Variants in ALG13 observed in about 807,000 individuals in gnomAD.
ALG13 encodes the protein UDP-N-acetylglucosamine transferase subunit ALG13.
In ALG13, 11 loss-of-function variants were observed where a neutral mutation model predicts 87.8. That is an observed-to-expected ratio of 0.13 (90% CI 0.08 to 0.21). The LOEUF (loss-of-function observed/expected upper bound fraction) is 0.21, where lower values mean the gene tolerates loss of function less well. Among genes scored for constraint, ALG13 ranks in the 10% least tolerant of loss-of-function variants. The pLI is 1.00. For synonymous variants in ALG13, 320 were observed against 306.3 expected, an observed-to-expected ratio of 1.04 and a Z score of -0.47; for missense variants, 756 against 866.1, an observed-to-expected ratio of 0.87 and a Z score of 1.60.
Position 111,695,446 on chromosome X carries a change from C to T in ALG13, c.383+10343C>T, listed in dbSNP as rs1305896181. On this transcript the variant is annotated intron_variant, in intron 3 of 26. Coordinates refer to ENST00000394780, the MANE Select transcript of ALG13 (RefSeq NM_001099922.3). ...GCTGAGGCAGGATAATTGCTTGAAC[C>T]TGGGAGGCAGAGGTTGCAGTGAGCC... Among the ~76,000 whole-genome samples, 3 of 108,984 alleles carry T rather than the reference C, an allele frequency of 2.8e-5. No individual in the cohort carries two copies. In the Admixed American group the frequency reaches 2.9e-4, roughly 11 times the overall value. The allele number at this position is 108,984 out of a possible 115,157, so 94.6% of individuals were successfully genotyped here. A position where few individuals can be genotyped will look rare whatever the true frequency, so the allele number is the denominator to read the frequency against.
chrX:111,730,374 T>C (rs1234180198), intron 19 of ALG13, 21 bp from the exon 20 acceptor site: 2 of 1,204,747 alleles, frequency 1.7e-6, no homozygotes, highest in African/African-American at 3.5e-5. Flanking sequence ...ACATTTCTTC[T>C]GTCTTGTCTT....
intron 24 of ALG13, among the ~76,000 whole-genome samples, chrX:111,746,136 C>G (rs958563565): frequency 1.4e-4 from 16 of 111,712 alleles, no homozygotes; most frequent in Admixed American, 7.7e-4. Context: ...CCCATAAAAA[C>G]TTCAGGATAC....
chrX:111,694,023 TTATTTTTATTTC>T (rs1230474954), intron 3 of ALG13, among the ~76,000 whole-genome samples: 1 of 110,747 alleles, frequency 9.0e-6, no homozygotes, highest in African/African-American at 3.3e-5. Context: ...TTCCCAGTTT[TTATTTTTATTTC>T]TATTTTTATT....
At chrX:111,747,341 G>A (rs1944332470) in intron 24 of ALG13, among the ~76,000 whole-genome samples, 1 of 111,987 alleles carries the variant, frequency 8.9e-6, no homozygotes, top group South Asian at 3.7e-4. Context: ...TTTCAGAATG[G>A]CTCTTAGCAA....
chrX:111,726,237 T>TG (rs1942011040), intron 15 of ALG13, among the ~76,000 whole-genome samples: 1 of 96,503 alleles, frequency 1.0e-5, no homozygotes, highest in African/African-American at 3.9e-5. Flanking sequence ...GTTTTGTTTT[T>TG]TTTTTTTTTT....
intron 23 of ALG13, among the ~76,000 whole-genome samples, chrX:111,739,522 A>C (rs181493690): frequency 4.4e-5 from 5 of 112,854 alleles, no homozygotes; most frequent in Non-Finnish European, 9.4e-5. Flanking sequence ...AAAAGTCCTA[A>C]GTATCTAAGA....
At chrX:111,714,320 T>C (rs749973786) in intron 8 of ALG13, 2 of 110,215 alleles carry the variant, frequency 1.8e-5, no homozygotes. Context: ...ATAAAAAAAA[T>C]TGTGCTAAAA....
At chrX:111,758,720 C>T (rs1945482254) in intron 26 of ALG13, among the ~76,000 whole-genome samples, 1 of 112,110 alleles carries the variant, frequency 8.9e-6, no homozygotes, top group Non-Finnish European at 1.9e-5. Flanking sequence ...ATCCACATTG[C>T]TAGTGACCTT....
Position 111,722,875 on chromosome X carries a change from G to A in ALG13, c.1500+18G>A, listed in dbSNP as rs1326550378. On this transcript the variant is annotated intron_variant, in intron 13 of 26. Coordinates refer to ENST00000394780, the MANE Select transcript of ALG13 (RefSeq NM_001099922.3). ...AGTGTCAGGTTAGTTCCTTCTTCAA[G>A]AATCAGTAATTTTTTTAAGAATGTG... is the stretch of plus-strand genomic sequence containing the variant. 1 of 1,140,174 alleles carries A rather than the reference G, an allele frequency of 8.8e-7. No homozygotes were observed. The highest frequency in any genetic ancestry group is 1.9e-5 in the South Asian group (1 of 52,428). The allele number at this position is 1,140,174 out of a possible 1,213,427, so 94.0% of individuals were successfully genotyped here. A position where few individuals can be genotyped will look rare whatever the true frequency, so the allele number is the denominator to read the frequency against.
chrX:111,756,150 C>T (rs1945231075), intron 25 of ALG13, among the ~76,000 whole-genome samples: 1 of 111,859 alleles, frequency 8.9e-6, no homozygotes, highest in African/African-American at 3.3e-5. Context: ...TCTCAGCAAA[C>T]TATCACAAGG....
chrX:111,759,633 AGTTTT>A, intron 26 of ALG13, 96 bp from the exon 27 acceptor site: 1 of 638,771 alleles, frequency 1.6e-6, no homozygotes, highest in Non-Finnish European at 2.3e-6. Context: ...TCTTATAGTT[AGTTTT>A]ATTTTCACAC....
At chrX:111,691,830 G>A (rs1381521466) in intron 3 of ALG13, among the ~76,000 whole-genome samples, 1 of 112,599 alleles carries the variant, frequency 8.9e-6, no homozygotes. Context: ...TCCATGTGTA[G>A]AATCCATGTG....
intron 24 of ALG13, among the ~76,000 whole-genome samples, chrX:111,751,283 G>T (rs1400095760): frequency 9.1e-6 from 1 of 109,924 alleles, no homozygotes; most frequent in African/African-American, 3.3e-5. Context: ...TGGCCAGAAT[G>T]GTCTCGATCT....
chrX:111,711,580 C>A, intron 5 of ALG13, 95 bp from the exon 6 acceptor site: 2 of 803,044 alleles, frequency 2.5e-6, no homozygotes, highest in Non-Finnish European at 3.6e-6. Context: ...AATTGTTGAG[C>A]TGAGCAAAAA....
chrX:111,757,464 C>T (rs1031323609), intron 25 of ALG13, 124 bp from the exon 26 acceptor site: 1 of 498,997 alleles, frequency 2.0e-6, no homozygotes, highest in Non-Finnish European at 3.1e-6. Flanking sequence ...GTCATTGCTA[C>T]CTCACCTGAA....
intron 4 of ALG13, 41 bp from the exon 5 acceptor site, chrX:111,708,924 A>G (rs1178514429): frequency 5.2e-6 from 5 of 955,367 alleles, no homozygotes; most frequent in Non-Finnish European, 7.3e-6. Context: ...GCCTATTTTA[A>G]ATGACTACTG....
At chrX:111,707,576 T>G (rs1939012898) in intron 3 of ALG13, among the ~76,000 whole-genome samples, 1 of 112,126 alleles carries the variant, frequency 8.9e-6, no homozygotes, top group Non-Finnish European at 1.9e-5. Context: ...TCCTTTTTTG[T>G]GTTTATTAAA....
chrX:111,701,173 A>G (rs1037240004), intron 3 of ALG13, among the ~76,000 whole-genome samples: 1 of 111,350 alleles, frequency 9.0e-6, no homozygotes, highest in Non-Finnish European at 1.9e-5. Context: ...GTAAATTTCT[A>G]TTTTTGTAGT....
chrX:111,704,699 T>C (rs912354720), intron 3 of ALG13, among the ~76,000 whole-genome samples: 21 of 111,686 alleles, frequency 1.9e-4, no homozygotes, highest in African/African-American at 6.5e-4. Flanking sequence ...GATTAGAGGT[T>C]GACAGCTACA....
Sources: allele counts gnomAD v4.1 joint callset (sites outside exome capture counted in the v4.1 genomes callset), GRCh38; gene constraint gnomAD v4.1.1; transcripts MANE v1.5; gene names NCBI Gene and HGNC (gene_info 2026-07-23, HGNC 2026-07-21).